Variants in LRRC56 observed in about 807,000 individuals in gnomAD.
The protein encoded by LRRC56 is leucine-rich repeat-containing protein 56.
In LRRC56, 41 loss-of-function variants were observed where a neutral mutation model predicts 47.8. The ratio of observed to expected loss-of-function variants is 0.86; its 90% CI spans 0.67 to 1.11. The LOEUF is 1.11. Ranked by LOEUF, LRRC56 falls within the 50% of genes most tolerant of loss-of-function variation. LRRC56 has a pLI of 0.00. For missense variants in LRRC56, 759 were observed against 704.2 expected (o/e 1.08, Z -0.88); for synonymous variants, 387 against 311.2 (o/e 1.24, Z -2.56).
chr11:533,914 C>CA, upstream of LRRC56: 1 of 1,612,894 alleles, frequency 6.2e-7, no homozygotes, highest in Non-Finnish European at 8.5e-7. Flanking sequence ...CACGTCTCCC[C>CA]ATCAATGACC....
intron 13 of LRRC56, among the ~76,000 whole-genome samples, chr11:553,371 A>G (rs1213843763): frequency 6.6e-6 from 1 of 152,134 alleles, no homozygotes; most frequent in Non-Finnish European, 1.5e-5. Context: ...TGGGATGGGC[A>G]GGGAACAGGG....
chr11:526,328 C>T, the LRRC56 span, among the ~76,000 whole-genome samples: 1 of 152,194 alleles, frequency 6.6e-6, no homozygotes, highest in African/African-American at 2.4e-5. Flanking sequence ...CACCAGCCAA[C>T]TGCAAACTGA....
chr11:514,940 G>A, the LRRC56 span, among the ~76,000 whole-genome samples: 7 of 152,336 alleles, frequency 4.6e-5, no homozygotes, highest in Non-Finnish European at 8.8e-5. Context: ...CCACAGAGGC[G>A]GTGGAGCCCT....
At chr11:518,979 G>T in the LRRC56 span, among the ~76,000 whole-genome samples, 2 of 151,616 alleles carry the variant, frequency 1.3e-5, no homozygotes, top group African/African-American at 2.4e-5. Flanking sequence ...CCCAAGACGC[G>T]GCGCGCTTAC....
chr11:525,615 G>T, the LRRC56 span, among the ~76,000 whole-genome samples: 8 of 152,076 alleles, frequency 5.3e-5, no homozygotes, highest in East Asian at 1.5e-3. Flanking sequence ...TGAACAAAGG[G>T]CTGGGTGAAG....
the LRRC56 span, among the ~76,000 whole-genome samples, chr11:525,297 T>C: frequency 2.0e-5 from 3 of 151,526 alleles, no homozygotes; most frequent in East Asian, 3.9e-4. Context: ...CCCAGCACTT[T>C]GGGAGGCCAA....
At chr11:551,526 C>CTGCA in intron 9 of LRRC56, 125 bp from the exon 10 acceptor site, 1 of 1,047,690 alleles carries the variant, frequency 9.5e-7, no homozygotes, top group East Asian at 2.5e-5. Context: ...CTCTAGAAGG[C>CTGCA]TGCAGCGTGA....
At position 554,820 on chromosome 11, in the gene LRRC56, C is replaced by A; in HGVS notation, c.*544C>A. On this transcript the variant is annotated 3_prime_UTR_variant, in exon 14 of 14. Transcript: ENST00000270115. ...CGTTCCCTCCTCTTGGCGCAGGACG[C>A]CCCGGAACCCAAACCAACATTTCCA... The A allele has an allele frequency of 1.8e-6, 1 of 568,806 alleles. No homozygotes were observed. Among genetic ancestry groups the A allele is most frequent in the Non-Finnish European group, 2.9e-6 (1 of 340,644 alleles). 35.2% of individuals were successfully genotyped at this position (568,806 alleles called of 1,614,324 possible).
At chr11:547,416 C>T (rs1275737702) in intron 6 of LRRC56, among the ~76,000 whole-genome samples, 3 of 151,604 alleles carry the variant, frequency 2.0e-5, no homozygotes, top group African/African-American at 7.3e-5. Flanking sequence ...TGCAGTGGCG[C>T]AATCTCGGCT....
chr11:509,360 A>AT, the LRRC56 span, among the ~76,000 whole-genome samples: 1 of 152,104 alleles, frequency 6.6e-6, no homozygotes, highest in Non-Finnish European at 1.5e-5. Flanking sequence ...GATCTCTTAG[A>AT]TTTGTTCGTG....
the LRRC56 span, among the ~76,000 whole-genome samples, chr11:507,461 T>C: frequency 1.3e-5 from 2 of 151,370 alleles, no homozygotes; most frequent in Non-Finnish European, 3.0e-5. Context: ...TAGGCGGGGC[T>C]TGGTGCCGGG....
At chr11:522,596 C>T in the LRRC56 span, among the ~76,000 whole-genome samples, 2 of 151,978 alleles carry the variant, frequency 1.3e-5, no homozygotes, top group Middle Eastern at 3.4e-3. Context: ...GATGGAGTTT[C>T]ACCATGTTGC....
chr11:550,544 G>A (rs562908183), intron 8 of LRRC56, among the ~76,000 whole-genome samples: 1 of 152,172 alleles, frequency 6.6e-6, no homozygotes. Flanking sequence ...CATAAGCCAC[G>A]TGGAAACACA....
the LRRC56 span, among the ~76,000 whole-genome samples, chr11:520,811 C>T: frequency 1.2e-4 from 19 of 152,274 alleles, no homozygotes; most frequent in African/African-American, 4.3e-4. Flanking sequence ...CTCACCCCTA[C>T]GCCTTCCCAG....
the LRRC56 span, among the ~76,000 whole-genome samples, chr11:512,204 A>C: frequency 2.3e-4 from 35 of 151,788 alleles, no homozygotes; most frequent in Admixed American, 1.6e-3. Flanking sequence ...GGCCTCCCAA[A>C]GTGCTGGGAT....
rs560824660 is a variant in LRRC56, at chr11:550,283, C to T, written c.624+11C>T. Reference sequence around the variant, plus strand: ...GGCCCCACCAACAAGGTGCGTGTCCCGGGCACCCGGCCAGCATGTGCATGG... The same window carrying T: ...GGCCCCACCAACAAGGTGCGTGTCCTGGGCACCCGGCCAGCATGTGCATGG... On this transcript the variant is annotated intron_variant, in intron 8 of 13. Transcript: ENST00000270115. 7 of 1,538,324 alleles carry T rather than the reference C, an allele frequency of 4.6e-6. No homozygotes were observed. Among genetic ancestry groups the T allele is most frequent in the South Asian group, 3.6e-5 (3 of 82,202 alleles).
At chr11:527,759 T>G in the LRRC56 span, among the ~76,000 whole-genome samples, 35,455 of 147,142 alleles carry the variant, frequency 0.24, 4,663 homozygotes, top group African/African-American at 0.35. Flanking sequence ...GGAGTGCAAT[T>G]CCGCGATCTC....
At chr11:553,503 G>A (rs532435405) in intron 13 of LRRC56, among the ~76,000 whole-genome samples, 5 of 152,284 alleles carry the variant, frequency 3.3e-5, no homozygotes, top group South Asian at 2.1e-4. Flanking sequence ...CAGGCAGGGC[G>A]GCCAGGAGGA....
At chr11:508,076 T>C in the LRRC56 span, among the ~76,000 whole-genome samples, 1 of 152,256 alleles carries the variant, frequency 6.6e-6, no homozygotes, top group African/African-American at 2.4e-5. Context: ...AGAATTGACA[T>C]TTTGGCAGAT....
Sources: allele counts gnomAD v4.1 joint callset (sites outside exome capture counted in the v4.1 genomes callset), GRCh38; gene constraint gnomAD v4.1.1; transcripts MANE v1.5; gene names NCBI Gene and HGNC (gene_info 2026-07-23, HGNC 2026-07-21).